TXNDC11: variants seen among roughly 807,000 people sequenced by gnomAD.
TXNDC11 encodes the protein thioredoxin domain-containing protein 11.
Under a neutral mutation model 78.0 loss-of-function variants are expected in TXNDC11, and 68 were observed. The observed-to-expected ratio is 0.87, with a 90% CI of 0.72 to 1.07. TXNDC11 has a LOEUF of 1.07. TXNDC11 is among the 50% of genes least tolerant of loss of function. The probability of loss-of-function intolerance (pLI) is 0.00; values close to 1 mark genes in which losing one functional copy is unlikely to be tolerated. For synonymous variants in TXNDC11, 571 were observed against 495.2 expected, an observed-to-expected ratio of 1.15 and a Z score of -2.03; for missense variants, 1,389 against 1,221.8, an observed-to-expected ratio of 1.14 and a Z score of -2.04.
intron 4 of TXNDC11, among the ~76,000 whole-genome samples, chr16:11,722,073 C>A (rs1349235594): frequency 6.6e-6 from 1 of 152,196 alleles, no homozygotes; most frequent in African/African-American, 2.4e-5. Context: ...CAATAATTTT[C>A]TTTTAACCTT....
At chr16:11,691,256 T>G in intron 8 of TXNDC11, 34 bp downstream of exon 8, 1 of 1,556,908 alleles carries the variant, frequency 6.4e-7, no homozygotes, top group East Asian at 2.2e-5. Context: ...AAGCAAAATG[T>G]ACAATGCTTG....
In TXNDC11 at chr16:11,679,362, T is replaced by C; in HGVS notation, c.2710A>G (p.Lys904Glu). Residue 904 changes from lysine to glutamate, a missense_variant, in exon 12 of 12, where the codon AAA becomes GAA. Physicochemically the swap from Lys to Glu is moderately conservative, Grantham distance 56 (BLOSUM62 1). Coordinates refer to ENST00000283033, the MANE Select transcript of TXNDC11 (RefSeq NM_015914.7). The surrounding 1 kb of genome is among the most constrained non-coding windows in gnomAD (Gnocchi z 4.6). ...LKILVATMER[K>E]LEGRDGAESL... is the part of the protein sequence containing the mutation. ...TCAGCTCCATCCCTGCCCTCCAGTT[T>C]CCTCTCCATGGTCGCCACCAGGATC... is the stretch of plus-strand genomic sequence containing the variant. 1 of 1,611,504 alleles carries C rather than the reference T, an allele frequency of 6.2e-7. No homozygotes were observed. The highest frequency in any genetic ancestry group is 8.5e-7 in the Non-Finnish European group (1 of 1,178,998).
chr16:11,711,244 G>T (rs4781140), intron 5 of TXNDC11, among the ~76,000 whole-genome samples: 5 of 152,210 alleles, frequency 3.3e-5, no homozygotes, highest in Admixed American at 2.0e-4. Context: ...GAGTGAGTGA[G>T]CTCTGCACCA....
At chr16:11,706,658 C>G (rs1026764178) in intron 5 of TXNDC11, among the ~76,000 whole-genome samples, 1 of 152,170 alleles carries the variant, frequency 6.6e-6, no homozygotes, top group Non-Finnish European at 1.5e-5. Context: ...CCACACCCTC[C>G]CCAAGTATAG....
At chr16:11,703,801 AAAG>A in intron 5 of TXNDC11, 1 of 695,166 alleles carries the variant, frequency 1.4e-6, no homozygotes, top group Non-Finnish European at 2.6e-6. Context: ...TATCAGAAGT[AAAG>A]AAGTGGGCTG....
intron 4 of TXNDC11, among the ~76,000 whole-genome samples, chr16:11,729,871 A>G (rs2051992849): frequency 6.6e-6 from 1 of 152,096 alleles, no homozygotes. Flanking sequence ...CAACATGGGA[A>G]GATCACTTGA....
chr16:11,711,433 G>C (rs193145089), intron 5 of TXNDC11, among the ~76,000 whole-genome samples: 1 of 152,288 alleles, frequency 6.6e-6, no homozygotes, highest in East Asian at 1.9e-4. Context: ...TGTTCCTTTG[G>C]GAGGCTCTGG....
chr16:11,718,780 C>T (rs569986712), intron 5 of TXNDC11, among the ~76,000 whole-genome samples: 87 of 152,210 alleles, frequency 5.7e-4, no homozygotes, highest in African/African-American at 2.1e-3. Context: ...ATTTTACAAG[C>T]TCCAACCAGA....
chr16:11,705,943 A>G (rs2051168820), intron 5 of TXNDC11, among the ~76,000 whole-genome samples: 1 of 152,234 alleles, frequency 6.6e-6, no homozygotes, highest in Non-Finnish European at 1.5e-5. Flanking sequence ...TTTCTACGAC[A>G]GAAGTCTTAG....
At position 11,691,935 on chromosome 16, in the gene TXNDC11, T is replaced by C; in HGVS notation, c.1255A>G (p.Thr419Ala). 1 of 1,612,424 alleles carries C rather than the reference T, an allele frequency of 6.2e-7. No homozygotes were observed. The highest frequency in any genetic ancestry group is 8.5e-7 in the Non-Finnish European group (1 of 1,178,532). Reference sequence around the variant, plus strand: ...ACAGTGTTGCAGCAGGGGGACGCTGTGATCGTTGGCGGGTCTGGCAGCTGT... The same window carrying C: ...ACAGTGTTGCAGCAGGGGGACGCTGCGATCGTTGGCGGGTCTGGCAGCTGT... ...PAQLPDPPTI[T>A]ASPCCNTVVL... is the part of the protein sequence containing the mutation. Residue 419 changes from threonine to alanine, a missense_variant, in exon 8 of 12, where the codon ACA becomes GCA. Transcript: ENST00000283033.
intron 5 of TXNDC11, among the ~76,000 whole-genome samples, chr16:11,705,117 G>C (rs940255326): frequency 6.6e-6 from 1 of 151,926 alleles, no homozygotes; most frequent in African/African-American, 2.4e-5. Context: ...GGATGATCTC[G>C]AACTCCTAAC....
chr16:11,697,671 C>A (rs1386097382), intron 7 of TXNDC11, among the ~76,000 whole-genome samples: 1 of 152,226 alleles, frequency 6.6e-6, no homozygotes, highest in Admixed American at 6.5e-5. Flanking sequence ...GCTGCTGCTG[C>A]TCGCTCTCCT....
intron 10 of TXNDC11, among the ~76,000 whole-genome samples, chr16:11,684,669 A>C (rs16958550): frequency 7.7e-6 from 1 of 129,592 alleles, no homozygotes; most frequent in Non-Finnish European, 1.9e-5. Flanking sequence ...CTGGATAGAG[A>C]CCAAAAACAG....
chr16:11,685,573 C>T (rs1339585587), intron 10 of TXNDC11, among the ~76,000 whole-genome samples: 5 of 148,454 alleles, frequency 3.4e-5, no homozygotes, highest in East Asian at 2.1e-4. Context: ...GGCGTGAACC[C>T]GGGAGGCGGA....
chr16:11,695,860 C>A (rs2050844423), intron 7 of TXNDC11, among the ~76,000 whole-genome samples: 1 of 151,886 alleles, frequency 6.6e-6, no homozygotes, highest in South Asian at 2.1e-4. Context: ...ATGGCGAAAC[C>A]CCATCTCTAC....
At chr16:11,725,049 T>C (rs1459474497) in intron 4 of TXNDC11, among the ~76,000 whole-genome samples, 1 of 152,170 alleles carries the variant, frequency 6.6e-6, no homozygotes, top group Admixed American at 6.6e-5. Context: ...CCAGTCAAAT[T>C]TCTTAACATG....
chr16:11,730,969 G>A (rs756331428), intron 3 of TXNDC11, among the ~76,000 whole-genome samples, 195 bp from the exon 4 acceptor site: 11 of 152,102 alleles, frequency 7.2e-5, no homozygotes, highest in Admixed American at 2.0e-4. Context: ...TTTTGGGTGA[G>A]GAGAGGCACA....
chr16:11,688,000 C>T (rs767788979), intron 9 of TXNDC11, 34 bp from the exon 10 acceptor site: 44 of 1,468,298 alleles, frequency 3.0e-5, no homozygotes, highest in South Asian at 6.9e-5. Context: ...TTACTTGCAC[C>T]GGGAAATGGG....
chr16:11,699,448 G>A (rs2050949256), intron 6 of TXNDC11, among the ~76,000 whole-genome samples: 1 of 152,246 alleles, frequency 6.6e-6, no homozygotes, highest in African/African-American at 2.4e-5. Flanking sequence ...GCGTAGGTGG[G>A]CAGCAGAGAA....
Sources: gnomAD v4.1 joint callset for allele counts (sites outside exome capture counted in the v4.1 genomes callset) on GRCh38, gnomAD v4.1.1 for gene constraint, Gnocchi (gnomAD v3.1) non-coding constraint, MANE v1.5 for transcripts, NCBI Gene and HGNC (gene_info 2026-07-23, HGNC 2026-07-21) for gene names.